DDAH1: variants seen among roughly 807,000 people sequenced by gnomAD.
The protein encoded by DDAH1 is N(G),N(G)-dimethylarginine dimethylaminohydrolase 1.
DDAH1 carries 19 observed loss-of-function variants against 28.8 expected under a neutral mutation model. That is an observed-to-expected ratio of 0.66 (90% CI 0.46 to 0.97). The LOEUF (loss-of-function observed/expected upper bound fraction) is 0.97. Among genes scored for constraint, DDAH1 ranks in the 50% least tolerant of loss-of-function variants. DDAH1 has a pLI of 0.00. For synonymous variants in DDAH1, 153 were observed against 154.4 expected, an observed-to-expected ratio of 0.99 and a Z score of 0.07; for missense variants, 326 against 375.9, an observed-to-expected ratio of 0.87 and a Z score of 1.10.
At chr1:85,359,769 G>T (rs768045548) in intron 1 of DDAH1, among the ~76,000 whole-genome samples, 1 of 152,144 alleles carries the variant, frequency 6.6e-6, no homozygotes, top group Non-Finnish European at 1.5e-5. Context: ...ATGAATATTT[G>T]AAAATAAATT....
intron 2 of DDAH1, among the ~76,000 whole-genome samples, chr1:85,486,975 A>T (rs1656228352): frequency 6.6e-6 from 1 of 152,224 alleles, no homozygotes; most frequent in Non-Finnish European, 1.5e-5. Context: ...GATAGATATT[A>T]AACAGAAATA....
intron 2 of DDAH1, among the ~76,000 whole-genome samples, chr1:85,483,042 T>C (rs1656064423): frequency 6.6e-6 from 1 of 151,972 alleles, no homozygotes. Flanking sequence ...CTGGCCAACA[T>C]GGTCAAACCC....
intron 4 of DDAH1, among the ~76,000 whole-genome samples, chr1:85,340,837 G>A (rs1005818687): frequency 5.9e-5 from 9 of 152,064 alleles, no homozygotes; most frequent in Non-Finnish European, 1.3e-4. Flanking sequence ...ATAATTTGAA[G>A]CAGCCCCAAC....
In DDAH1 at chr1:85,475,624, G is replaced by A. The variant is rs371716229; in HGVS notation, c.-7+20542C>T. On this transcript the variant is annotated intron_variant, in intron 2 of 6. Coordinates refer to the DDAH1 transcript ENST00000426972. ...CATAACTCTTAGAAAAATAGATCAT[G>A]TAAACACTGTCAGATTATTTCCCCA... Among the ~76,000 whole-genome samples the A allele has an allele frequency of 3.9e-5, 6 of 152,294 alleles. No homozygotes were observed. In the East Asian group the frequency reaches 9.6e-4, roughly 24 times the overall value.
chr1:85,416,372 T>C (rs905597355), intron 1 of DDAH1, among the ~76,000 whole-genome samples: 6 of 152,092 alleles, frequency 3.9e-5, no homozygotes, highest in Non-Finnish European at 8.8e-5. Flanking sequence ...ATTTTGTATT[T>C]TTAGTAGAGA....
At chr1:85,507,609 T>C (rs1240710975) in intron 1 of DDAH1, among the ~76,000 whole-genome samples, 1 of 152,200 alleles carries the variant, frequency 6.6e-6, no homozygotes, top group Admixed American at 6.5e-5. Context: ...ATAAAATTAA[T>C]ATTAGCTCCT....
intron 1 of DDAH1, among the ~76,000 whole-genome samples, chr1:85,426,131 C>T (rs572550980): frequency 6.6e-6 from 1 of 152,206 alleles, no homozygotes; most frequent in Non-Finnish European, 1.5e-5. Context: ...TCAGTAAAAG[C>T]CATCATCACC....
intron 1 of DDAH1, among the ~76,000 whole-genome samples, chr1:85,531,682 A>T (rs1258094949): frequency 6.8e-6 from 1 of 147,846 alleles, no homozygotes; most frequent in Non-Finnish European, 1.5e-5. Flanking sequence ...CCATAGAGGG[A>T]TTAAATGATA....
chr1:85,355,157 TAAAATCTTAGAA>T (rs1253900939), intron 2 of DDAH1, among the ~76,000 whole-genome samples: 1 of 152,050 alleles, frequency 6.6e-6, no homozygotes, highest in African/African-American at 2.4e-5. Flanking sequence ...TTAAAACAGA[TAAAATCTTAGAA>T]AATGGAACGC....
At chr1:85,550,875 A>C (rs767723208) in intron 1 of DDAH1, among the ~76,000 whole-genome samples, 1 of 152,210 alleles carries the variant, frequency 6.6e-6, no homozygotes, top group Admixed American at 6.5e-5. Context: ...ACTTGCTAGC[A>C]CTGACTGGAT....
At chr1:85,528,256 C>T (rs1163303722) in intron 1 of DDAH1, among the ~76,000 whole-genome samples, 2 of 151,634 alleles carry the variant, frequency 1.3e-5, no homozygotes, top group Non-Finnish European at 2.9e-5. Flanking sequence ...ACAAAATCTA[C>T]CCTTACCAAG....
intron 1 of DDAH1, among the ~76,000 whole-genome samples, chr1:85,544,136 T>C (rs924050014): frequency 2.0e-5 from 3 of 152,222 alleles, no homozygotes; most frequent in Non-Finnish European, 4.4e-5. Flanking sequence ...TCTCTATCCT[T>C]ATTCATTTAA....
chr1:85,348,575 T>C (rs957327314), intron 4 of DDAH1, among the ~76,000 whole-genome samples: 18 of 152,204 alleles, frequency 1.2e-4, no homozygotes, highest in African/African-American at 4.3e-4. Flanking sequence ...GCTTATGCCA[T>C]GTCCCCACCT....
intron 2 of DDAH1, among the ~76,000 whole-genome samples, chr1:85,477,328 C>T (rs1007239184): frequency 1.2e-4 from 18 of 152,246 alleles, no homozygotes; most frequent in African/African-American, 4.1e-4. Flanking sequence ...AAATACGTGC[C>T]TCCCCAATGA....
At chr1:85,359,640 T>C (rs1557519619) in intron 1 of DDAH1, among the ~76,000 whole-genome samples, 1 of 152,236 alleles carries the variant, frequency 6.6e-6, no homozygotes, top group East Asian at 1.9e-4. Context: ...AAAACATCCT[T>C]TGCTTCTCTG....
At position 85,550,119 on chromosome 1, in the gene DDAH1, A is replaced by G. The variant is rs543587124; in HGVS notation, c.-123+27865T>C. Among the ~76,000 whole-genome samples, 15 of 152,334 alleles carry G rather than the reference A, an allele frequency of 9.8e-5. No individual in the cohort carries two copies. The East Asian group carries it at 2.7e-3, about 27-fold the overall frequency. On this transcript the variant is annotated intron_variant, in intron 1 of 6. Coordinates refer to the DDAH1 transcript ENST00000426972. ...TTACCGTCAATTGGATTCTATTTAC[A>G]TATTTACATATTCTATATTTTAGAT...
chr1:85,324,269 CAAAAAT>C (rs1208684998), intron 5 of DDAH1, among the ~76,000 whole-genome samples: 1 of 62,226 alleles, frequency 1.6e-5, no homozygotes. Context: ...GACCCTGTCT[CAAAAAT>C]AATAATAATA....
chr1:85,378,820 A>T (rs1650818374), intron 1 of DDAH1, among the ~76,000 whole-genome samples: 1 of 152,240 alleles, frequency 6.6e-6, no homozygotes, highest in African/African-American at 2.4e-5. Context: ...CTAAGCAAGT[A>T]TAACAGGAAA....
Position 85,464,826 on chromosome 1 carries a change from AGT to A in DDAH1, c.218_219del (p.Asp73ValfsTer30). The A allele has an allele frequency of 6.3e-7, 1 of 1,588,360 alleles. No individual in the cohort carries two copies. Among genetic ancestry groups the A allele is most frequent in the East Asian group, 2.3e-5 (1 of 42,682 alleles). The part of the protein sequence containing the change: ...VELPADESLP[D>X]CVFVEDVAVV... ...ACGGCCACGTCCTCCACGAAGACGC[AGT>A]CCGGAAGGCTCTCGTCGGCCGGCAG... On this transcript the variant is annotated frameshift_variant, in exon 1 of 6. Coordinates refer to ENST00000284031, the MANE Select transcript of DDAH1 (RefSeq NM_012137.4). LOFTEE classifies it high-confidence loss of function. This position sits in a 1 kb window ranked among gnomAD's most constrained non-coding sequence, Gnocchi z 4.4.
Sources: gnomAD v4.1 joint callset for allele counts (sites outside exome capture counted in the v4.1 genomes callset) on GRCh38, gnomAD v4.1.1 for gene constraint, Gnocchi (gnomAD v3.1) non-coding constraint, MANE v1.5 for transcripts, NCBI Gene and HGNC (gene_info 2026-07-23, HGNC 2026-07-21) for gene names.